SNX24: variants seen among roughly 807,000 people sequenced by gnomAD.
The protein encoded by SNX24 is sorting nexin-24.
Under a neutral mutation model 28.7 loss-of-function variants are expected in SNX24, and 22 were observed. The ratio of observed to expected loss-of-function variants is 0.77; its 90% CI spans 0.55 to 1.10. SNX24 has a LOEUF of 1.10. SNX24 is among the 50% of genes least tolerant of loss of function. SNX24 has a pLI of 0.00. For synonymous variants in SNX24, 69 were observed against 71.5 expected, an observed-to-expected ratio of 0.96 and a Z score of 0.18; for missense variants, 221 against 201.1, an observed-to-expected ratio of 1.10 and a Z score of -0.60.
chr5:122,879,901 G>A (rs759933568), intron 1 of SNX24, among the ~76,000 whole-genome samples: 4 of 152,166 alleles, frequency 2.6e-5, no homozygotes, highest in African/African-American at 9.7e-5. Flanking sequence ...AGATGACTTA[G>A]AACAATACTT....
chr5:122,857,098 G>A (rs904246513), intron 1 of SNX24, among the ~76,000 whole-genome samples: 17 of 151,730 alleles, frequency 1.1e-4, no homozygotes, highest in Admixed American at 3.9e-4. Flanking sequence ...CACAACCTCC[G>A]CCTCCCGGGT....
At chr5:122,989,078 A>G (rs145552880) in intron 3 of SNX24, among the ~76,000 whole-genome samples, 50 of 152,186 alleles carry the variant, frequency 3.3e-4, no homozygotes, top group African/African-American at 1.1e-3. Context: ...CAATCATGCT[A>G]CTTAGTATTC....
chr5:122,905,222 G>A (rs1449982410), intron 1 of SNX24, among the ~76,000 whole-genome samples: 1 of 152,172 alleles, frequency 6.6e-6, no homozygotes, highest in Non-Finnish European at 1.5e-5. Context: ...TTATCAGCTA[G>A]GGGTAGAGAG....
Position 122,964,146 on chromosome 5 carries a change from G to A in SNX24, c.249+17987G>A, listed in dbSNP as rs907183138. Among the ~76,000 whole-genome samples the A allele has an allele frequency of 4.6e-5, 7 of 151,032 alleles. No individual in the cohort carries two copies. The South Asian group carries it at 1.5e-3, about 31-fold the overall frequency. On this transcript the variant is annotated intron_variant, in intron 3 of 6. Transcript: ENST00000261369. ...TAATCCCAGCTACTTGGGAGGCTGA[G>A]GCAGGAGAATCGCTTGAACCCAGGA...
At chr5:122,889,319 T>G (rs546006548) in intron 1 of SNX24, among the ~76,000 whole-genome samples, 14 of 152,282 alleles carry the variant, frequency 9.2e-5, no homozygotes, top group African/African-American at 3.4e-4. Flanking sequence ...TCTATATCTA[T>G]ATCTATATAC....
At chr5:122,891,463 TG>T (rs1756964532) in intron 1 of SNX24, among the ~76,000 whole-genome samples, 1 of 152,144 alleles carries the variant, frequency 6.6e-6, no homozygotes, top group Admixed American at 6.5e-5. Flanking sequence ...TGAGGTAAAA[TG>T]GGGGAGTTTT....
In SNX24 at chr5:123,008,042, G is replaced by A. The variant is rs896492142; in HGVS notation, c.*293G>A. The A allele has an allele frequency of 3.7e-6, 4 of 1,090,408 alleles. No homozygotes were observed. Among genetic ancestry groups the A allele is most frequent in the Admixed American group, 9.8e-5 (2 of 20,314 alleles). 67.5% of individuals were successfully genotyped at this position (1,090,408 alleles called of 1,614,324 possible). On this transcript the variant is annotated 3_prime_UTR_variant, in exon 7 of 7. Coordinates refer to ENST00000261369, the MANE Select transcript of SNX24 (RefSeq NM_014035.4). ...CCACAGGAGATTCCTGGGAGCACTG[G>A]GTGTAGCAAAACAAAGCCACTCTCT...
chr5:122,928,846 C>CAG (rs1758823993), intron 1 of SNX24, among the ~76,000 whole-genome samples: 1 of 147,878 alleles, frequency 6.8e-6, no homozygotes, highest in Non-Finnish European at 1.5e-5. Flanking sequence ...AATACTTGAG[C>CAG]AGAGACCTTG....
intron 1 of SNX24, among the ~76,000 whole-genome samples, chr5:122,888,998 G>T (rs1243020463): frequency 6.6e-6 from 1 of 152,006 alleles, no homozygotes; most frequent in African/African-American, 2.4e-5. Flanking sequence ...ATTTACAGGC[G>T]TGCATCACCA....
intron 5 of SNX24, chr5:123,025,664 A>G (rs1348246242): frequency 3.0e-6 from 3 of 1,011,752 alleles, no homozygotes; most frequent in African/African-American, 3.3e-5. Context: ...TCACCTTTGA[A>G]GAGGCCAGTC....
intron 3 of SNX24, among the ~76,000 whole-genome samples, chr5:122,976,509 G>A (rs970047936): frequency 6.6e-6 from 1 of 152,198 alleles, no homozygotes; most frequent in Admixed American, 6.5e-5. Flanking sequence ...GTACAAGGAT[G>A]AAAGTCACTC....
intron 3 of SNX24, among the ~76,000 whole-genome samples, chr5:122,987,209 A>G (rs1283732945): frequency 2.0e-5 from 3 of 152,116 alleles, no homozygotes; most frequent in East Asian, 3.9e-4. Context: ...ATAAGTTTTG[A>G]AAATGGGTAA....
At chr5:123,004,929 C>T (rs922205391) in intron 6 of SNX24, among the ~76,000 whole-genome samples, 3 of 152,184 alleles carry the variant, frequency 2.0e-5, no homozygotes, top group African/African-American at 7.2e-5. Flanking sequence ...AACAGCAAAA[C>T]CTGCCCTAAA....
intron 1 of SNX24, among the ~76,000 whole-genome samples, chr5:122,846,957 C>CTTT (rs34047045): frequency 3.8e-4 from 54 of 141,478 alleles, no homozygotes; most frequent in African/African-American, 1.3e-3. Context: ...TTGTTCAAGG[C>CTTT]TTTTTTTTTT....
downstream of SNX24, among the ~76,000 whole-genome samples, chr5:123,010,038 A>T (rs2150183045): frequency 6.6e-6 from 1 of 152,324 alleles, no homozygotes; most frequent in South Asian, 2.1e-4. Flanking sequence ...GTGCGGCCTC[A>T]TAGCAGCACC....
chr5:122,854,157 G>A (rs1235921841), intron 1 of SNX24, among the ~76,000 whole-genome samples: 1 of 151,856 alleles, frequency 6.6e-6, no homozygotes, highest in East Asian at 1.9e-4. Context: ...TTTTTCTTCT[G>A]TATATAGAAG....
chr5:123,013,827 A>G (rs1419588793), downstream of SNX24, among the ~76,000 whole-genome samples: 5 of 152,022 alleles, frequency 3.3e-5, no homozygotes, highest in African/African-American at 1.2e-4. Flanking sequence ...GATGTCATGT[A>G]TTGTTGGACT....
intron 3 of SNX24, among the ~76,000 whole-genome samples, chr5:122,968,807 A>G (rs953436968): frequency 1.3e-5 from 2 of 152,178 alleles, no homozygotes; most frequent in Admixed American, 1.3e-4. Flanking sequence ...TGTACCAGTA[A>G]TAGATACAAT....
intron 1 of SNX24, among the ~76,000 whole-genome samples, chr5:122,876,358 C>T (rs1307911431): frequency 2.0e-5 from 3 of 152,254 alleles, no homozygotes; most frequent in African/African-American, 4.8e-5. Flanking sequence ...TTTTTGAAGG[C>T]ATCATATTTT....
Sources: allele counts gnomAD v4.1 joint callset (sites outside exome capture counted in the v4.1 genomes callset), GRCh38; gene constraint gnomAD v4.1.1; transcripts MANE v1.5; gene names NCBI Gene and HGNC (gene_info 2026-07-23, HGNC 2026-07-21).